Variants in PID1 observed in about 807,000 individuals in gnomAD.
PID1 encodes the protein phosphotyrosine interaction domain containing 1, also known as PTB-containing, cubilin and LRP1-interacting protein.
Under a neutral mutation model 19.1 loss-of-function variants are expected in PID1, and 10 were observed. That is an observed-to-expected ratio of 0.52 (90% CI 0.32 to 0.89). The LOEUF (loss-of-function observed/expected upper bound fraction) is 0.89, where lower values mean the gene tolerates loss of function less well. Among genes scored for constraint, PID1 ranks in the 40% least tolerant of loss-of-function variants. The probability of loss-of-function intolerance (pLI) is 0.03; values close to 1 mark genes in which losing one functional copy is unlikely to be tolerated. For missense variants in PID1, 248 were observed against 285.3 expected, an observed-to-expected ratio of 0.87 and a Z score of 0.94; for synonymous variants, 130 against 116.0, an observed-to-expected ratio of 1.12 and a Z score of -0.78.
At chr2:229,247,313 T>C (rs929505980) in intron 1 of PID1, among the ~76,000 whole-genome samples, 1 of 152,190 alleles carries the variant, frequency 6.6e-6, no homozygotes, top group African/African-American at 2.4e-5. Context: ...CTTTATGTTC[T>C]ACAGTTCTTA....
intron 1 of PID1, among the ~76,000 whole-genome samples, chr2:229,178,602 T>C (rs930141879): frequency 6.6e-6 from 1 of 152,130 alleles, no homozygotes; most frequent in African/African-American, 2.4e-5. Flanking sequence ...TCATTTTCTA[T>C]AATAAGCCAC....
At chr2:229,062,023 C>G (rs1694222700) in intron 2 of PID1, among the ~76,000 whole-genome samples, 1 of 151,916 alleles carries the variant, frequency 6.6e-6, no homozygotes, top group Non-Finnish European at 1.5e-5. Context: ...CATGTAAGAT[C>G]ATGTCATCAG....
intron 1 of PID1, among the ~76,000 whole-genome samples, chr2:229,210,737 GC>G (rs2106249122): frequency 6.6e-6 from 1 of 152,148 alleles, no homozygotes; most frequent in African/African-American, 2.4e-5. Context: ...CTAGAAGCCA[GC>G]AGTGAACTTT....
At chr2:229,042,308 A>C (rs1316080804) in intron 2 of PID1, among the ~76,000 whole-genome samples, 1 of 152,216 alleles carries the variant, frequency 6.6e-6, no homozygotes, top group African/African-American at 2.4e-5. Flanking sequence ...TTTTGTTAAA[A>C]TTATTTCATA....
chr2:229,137,353 A>C (rs1689877280), intron 2 of PID1, among the ~76,000 whole-genome samples: 1 of 152,230 alleles, frequency 6.6e-6, no homozygotes, highest in African/African-American at 2.4e-5. Flanking sequence ...TGAGGTCCTG[A>C]GTGTGGAAAA....
At chr2:229,128,614 A>C (rs540096145) in intron 2 of PID1, among the ~76,000 whole-genome samples, 1 of 152,234 alleles carries the variant, frequency 6.6e-6, no homozygotes, top group Non-Finnish European at 1.5e-5. Flanking sequence ...AAGAACCATG[A>C]GGATTTCTTC....
intron 2 of PID1, among the ~76,000 whole-genome samples, chr2:229,041,181 T>C (rs1046066582): frequency 1.3e-5 from 2 of 152,090 alleles, no homozygotes; most frequent in African/African-American, 4.8e-5. Flanking sequence ...AAAGAAGCCA[T>C]CCCTACTCAG....
At chr2:229,219,641 C>A (rs1691922169) in intron 1 of PID1, among the ~76,000 whole-genome samples, 2 of 152,102 alleles carry the variant, frequency 1.3e-5, no homozygotes, top group South Asian at 4.1e-4. Context: ...TCAAGTGATC[C>A]TCCCACCTCA....
Position 229,271,100 on chromosome 2 carries a change from G to T in PID1, c.-57C>A. 6.5e-7 allele frequency: 1 copy of T among 1,528,190 alleles called. No homozygotes were observed. The highest frequency in any genetic ancestry group is 1.2e-5 in the South Asian group (1 of 82,752). 94.7% of individuals were successfully genotyped at this position (1,528,190 alleles called of 1,614,324 possible). ...CTGGCGAGACTGTCGATCGCGCCGG[G>T]GGGCGAGGGGCTGGGGTCCCGCTTT... On this transcript the variant is annotated 5_prime_UTR_variant, in exon 1 of 3. Transcript: ENST00000392055.
At chr2:229,154,227 A>C (rs182359163) in intron 2 of PID1, among the ~76,000 whole-genome samples, 25 of 152,084 alleles carry the variant, frequency 1.6e-4, no homozygotes, top group Admixed American at 1.6e-3. Context: ...TTAGAATGAA[A>C]CCTAAACTTC....
intron 1 of PID1, among the ~76,000 whole-genome samples, chr2:229,181,520 T>A (rs1350616239): frequency 6.6e-6 from 1 of 152,212 alleles, no homozygotes; most frequent in East Asian, 1.9e-4. Context: ...GAAATCAGAT[T>A]CACTACCACC....
intron 2 of PID1, among the ~76,000 whole-genome samples, chr2:229,137,556 G>T (rs1162095919): frequency 1.3e-5 from 2 of 152,128 alleles, no homozygotes; most frequent in Admixed American, 1.3e-4. Flanking sequence ...AATATTTCAT[G>T]AATCAAGGCA....
At chr2:229,198,824 A>G (rs946330080) in intron 1 of PID1, among the ~76,000 whole-genome samples, 2 of 152,082 alleles carry the variant, frequency 1.3e-5, no homozygotes, top group Non-Finnish European at 2.9e-5. Flanking sequence ...CAAGTGCAAT[A>G]GCCTCATAAC....
chr2:229,271,141 G>A lies in PID1; in HGVS notation c.-98C>T. On this transcript the variant is annotated 5_prime_UTR_variant, in exon 1 of 3. Coordinates refer to ENST00000392055, the MANE Select transcript of PID1 (RefSeq NM_001100818.2). ...GTCCCGCTTTACATCTGGGGTCGGT[G>A]TCCGCGGGATGTGCGTCCTGGCGCT... The A allele has an allele frequency of 7.3e-7, 1 of 1,370,306 alleles. No individual in the cohort carries two copies. 84.9% of individuals were successfully genotyped at this position (1,370,306 alleles called of 1,614,324 possible). A position where few individuals can be genotyped will look rare whatever the true frequency, so the allele number is the denominator to read the frequency against.
rs376859961 is a variant in PID1 at position 229,121,859 on chromosome 2, A to G, written c.177+33959T>C. ...AAGTTTACATTCCATGAGGGAGATA[A>G]ACAATAAAGAAATAATACAATAGAA... On this transcript the variant is annotated intron_variant, in intron 2 of 2. Coordinates refer to ENST00000392055, the MANE Select transcript of PID1 (RefSeq NM_001100818.2). Among the ~76,000 whole-genome samples, 22 of 152,310 alleles carry G rather than the reference A, an allele frequency of 1.4e-4. No homozygotes were observed. In the South Asian group the frequency reaches 3.5e-3, roughly 24 times the overall value.
intron 1 of PID1, among the ~76,000 whole-genome samples, chr2:229,195,558 G>A (rs1222843736): frequency 4.6e-5 from 7 of 151,842 alleles, no homozygotes; most frequent in African/African-American, 1.7e-4. Context: ...TTTTAGCTCA[G>A]TGATAGATAC....
At position 229,243,347 on chromosome 2, in the gene PID1, C is replaced by A. The variant is rs139259654; in HGVS notation, c.30+27667G>T. Among the ~76,000 whole-genome samples, 559 of 152,216 alleles carry A rather than the reference C, an allele frequency of 3.7e-3. 2 individuals are homozygous for A. Among genetic ancestry groups the A allele is most frequent in the African/African-American group, 0.013 (523 of 41,550 alleles). On this transcript the variant is annotated intron_variant, in intron 1 of 2. Coordinates refer to ENST00000392055, the MANE Select transcript of PID1 (RefSeq NM_001100818.2). ...AGATGAGATTTGGGTGGGGACAGAG[C>A]CAAACCATATCAATCCTTAAACAGG... is the stretch of plus-strand genomic sequence containing the variant.
At chr2:229,113,661 G>A (rs1273244569) in intron 2 of PID1, among the ~76,000 whole-genome samples, 1 of 151,128 alleles carries the variant, frequency 6.6e-6, no homozygotes, top group Non-Finnish European at 1.5e-5. Context: ...GGCACAGTGA[G>A]GCTAACTAAT....
chr2:229,150,245 GGAGAGA>G (rs1160601949), intron 2 of PID1, among the ~76,000 whole-genome samples: 1 of 147,434 alleles, frequency 6.8e-6, no homozygotes, highest in Non-Finnish European at 1.5e-5. Flanking sequence ...AAAAAAAAAA[GGAGAGA>G]GAGAGAGAAA....
Sources: allele counts gnomAD v4.1 joint callset (sites outside exome capture counted in the v4.1 genomes callset), GRCh38; gene constraint gnomAD v4.1.1; transcripts MANE v1.5; gene names NCBI Gene and HGNC (gene_info 2026-07-23, HGNC 2026-07-21).